The following CSMD3 variants were observed in gnomAD, a reference collection of about 807,000 sequenced individuals.
CSMD3 encodes the protein CUB and sushi domain-containing protein 3.
Under a neutral mutation model 435.2 loss-of-function variants are expected in CSMD3, and 177 were observed. That is an observed-to-expected ratio of 0.41 (90% CI 0.36 to 0.46). The LOEUF is 0.46. Ranked by LOEUF, CSMD3 falls within the 20% of genes least tolerant of loss-of-function variation. The pLI is 0.34. For missense variants in CSMD3, 4,265 were observed against 4,504.6 expected, an observed-to-expected ratio of 0.95 and a Z score of 1.52; for synonymous variants, 1,656 against 1,520.5, an observed-to-expected ratio of 1.09 and a Z score of -2.07.
chr8:112,656,882 A>G (rs2075270286), intron 17 of CSMD3, among the ~76,000 whole-genome samples: 2 of 152,078 alleles, frequency 1.3e-5, no homozygotes, highest in Admixed American at 6.6e-5. Context: ...AACAGTTCTA[A>G]GTAGGTAGTA....
chr8:112,287,102 G>A lies in CSMD3; in HGVS notation c.9293C>T (p.Ala3098Val), dbSNP rs768481824. The A allele has an allele frequency of 6.2e-7, 1 of 1,613,642 alleles. No individual in the cohort carries two copies. The highest frequency in any genetic ancestry group is 1.1e-5 in the South Asian group (1 of 91,078). Residue 3098 changes from alanine (A) to valine (V), a missense_variant, in exon 58 of 71, where the codon GCT becomes GTT. Physicochemically the swap from Ala to Val is moderately conservative, Grantham distance 64. Transcript: ENST00000297405. ...CTGCCTTCCGGTCCAACTGCCATTA[G>A]CTAAACATGTTCTTTCTTCTGAGCC... ...LHGSEERTCL[A>V]NGSWTGRQPE...
At chr8:112,962,827 C>T (rs1218785074) in intron 7 of CSMD3, among the ~76,000 whole-genome samples, 3 of 151,932 alleles carry the variant, frequency 2.0e-5, no homozygotes, top group Non-Finnish European at 4.4e-5. Context: ...TCCTTGTTCT[C>T]TGCCCAGAAA....
At chr8:112,403,565 C>A (rs1200423637) in intron 35 of CSMD3, among the ~76,000 whole-genome samples, 2 of 151,972 alleles carry the variant, frequency 1.3e-5, no homozygotes, top group Admixed American at 1.3e-4. Flanking sequence ...TGAGGGCTTG[C>A]TCGGTGCTTC....
intron 9 of CSMD3, among the ~76,000 whole-genome samples, chr8:112,926,857 G>A (rs1587689151): frequency 6.6e-6 from 1 of 152,092 alleles, no homozygotes; most frequent in Admixed American, 6.6e-5. Context: ...CACTTTTGTT[G>A]TTATTATTTT....
At chr8:112,803,763 C>T (rs2079014736) in intron 12 of CSMD3, among the ~76,000 whole-genome samples, 1 of 152,178 alleles carries the variant, frequency 6.6e-6, no homozygotes. Flanking sequence ...GACCTCCTTG[C>T]CAGCTGATAT....
intron 1 of CSMD3, among the ~76,000 whole-genome samples, chr8:113,381,589 T>C (rs1318085321): frequency 2.0e-5 from 3 of 151,972 alleles, no homozygotes; most frequent in Non-Finnish European, 4.4e-5. Context: ...AAGCAAACAT[T>C]CAAAACACTT....
intron 12 of CSMD3, among the ~76,000 whole-genome samples, chr8:112,809,944 A>G (rs1423440381): frequency 6.6e-6 from 1 of 152,142 alleles, no homozygotes; most frequent in Non-Finnish European, 1.5e-5. Context: ...GGAGGATAGG[A>G]GCTTAACTTC....
intron 24 of CSMD3, among the ~76,000 whole-genome samples, chr8:112,557,455 A>G (rs1586677832): frequency 6.6e-6 from 1 of 152,086 alleles, no homozygotes; most frequent in East Asian, 1.9e-4. Context: ...AGAGAAACCA[A>G]CCATATGATT....
chr8:112,819,184 T>C (rs2079460626), intron 12 of CSMD3, among the ~76,000 whole-genome samples: 1 of 152,044 alleles, frequency 6.6e-6, no homozygotes, highest in Admixed American at 6.6e-5. Flanking sequence ...CGTTTGAACA[T>C]GCAGGCTGGG....
intron 52 of CSMD3, among the ~76,000 whole-genome samples, chr8:112,303,921 C>T (rs971720071): frequency 5.3e-5 from 8 of 151,952 alleles, no homozygotes; most frequent in East Asian, 1.9e-4. Context: ...TTGTGTTGGA[C>T]GCTAATTAAA....
chr8:113,269,998 A>G (rs1477032837), intron 3 of CSMD3, among the ~76,000 whole-genome samples: 2 of 151,488 alleles, frequency 1.3e-5, no homozygotes, highest in Admixed American at 6.6e-5. Context: ...CTGCACAGCA[A>G]AAGAAACTAC....
intron 1 of CSMD3, among the ~76,000 whole-genome samples, chr8:113,355,749 T>TATACACAC (rs1357514892): frequency 4.9e-5 from 4 of 81,320 alleles, no homozygotes; most frequent in African/African-American, 2.2e-4. Flanking sequence ...TATATATATA[T>TATACACAC]ACACACACAC....
At position 112,390,750 on chromosome 8, in the gene CSMD3, T is replaced by C. The variant is rs1830342159; in HGVS notation, c.5848A>G (p.Ile1950Val). 3.1e-6 allele frequency: 5 copies of C among 1,613,144 alleles called. No homozygotes were observed. Among genetic ancestry groups the C allele is most frequent in the Admixed American group, 1.7e-5 (1 of 59,988 alleles). ...GGILTKRKGTILSPGYPEPYD... is the reference protein window; with the variant it reads ...GGILTKRKGTVLSPGYPEPYD... ...GGCTCAGGGTATCCAGGTGACAAAA[T>C]AGTCCCTTTGCGCTTAGTTAAAATT... is the stretch of plus-strand genomic sequence containing the variant. Residue 1950 changes from isoleucine (I) to valine (V), a missense_variant, in exon 36 of 71, where the codon ATT (isoleucine) becomes GTT (valine). Ile to Val is a conservative substitution (Grantham distance 29, BLOSUM62 3). This residue lies in a region of CSMD3 where 3,255 missense variants were observed against 3,380.2 expected (regional missense o/e 0.96). Transcript: ENST00000297405.
intron 2 of CSMD3, among the ~76,000 whole-genome samples, chr8:113,293,915 A>G (rs2093702444): frequency 6.6e-6 from 1 of 152,154 alleles, no homozygotes; most frequent in Non-Finnish European, 1.5e-5. Flanking sequence ...TACCTTACTG[A>G]TGATAAAATC....
intron 32 of CSMD3, among the ~76,000 whole-genome samples, chr8:112,428,834 A>G (rs1813357758): frequency 6.6e-6 from 1 of 152,116 alleles, no homozygotes; most frequent in Non-Finnish European, 1.5e-5. Context: ...CTTGAACTTA[A>G]TGGGCATTAA....
chr8:112,305,311 G>A (rs1445626684), intron 51 of CSMD3, among the ~76,000 whole-genome samples: 2 of 152,090 alleles, frequency 1.3e-5, no homozygotes, highest in African/African-American at 4.8e-5. Flanking sequence ...TTCAAGGTAA[G>A]TAGAAGCCTT....
Position 112,920,365 on chromosome 8 carries a change from ACAGT to A in CSMD3, c.1633+1258_1633+1261del, listed in dbSNP as rs1353213578. Among the ~76,000 whole-genome samples, 9 of 151,946 alleles carry A rather than the reference ACAGT, an allele frequency of 5.9e-5. No homozygotes were observed. The Admixed American group carries it at 5.9e-4, about 10-fold the overall frequency. ...AGCAAGTGGAATAGATGGCAAAGAA[ACAGT>A]CAGAAGGTGAAGAAGGAGTATAATA... On this transcript the variant is annotated intron_variant, in intron 10 of 70. Transcript: ENST00000297405.
chr8:113,145,016 G>A (rs890509575), intron 4 of CSMD3, among the ~76,000 whole-genome samples: 3 of 151,506 alleles, frequency 2.0e-5, no homozygotes, highest in Non-Finnish European at 4.4e-5. Context: ...TGAGGGGCAA[G>A]GGTGAGTGAT....
intron 24 of CSMD3, among the ~76,000 whole-genome samples, chr8:112,572,262 C>T (rs963247629): frequency 6.6e-6 from 1 of 151,982 alleles, no homozygotes; most frequent in Non-Finnish European, 1.5e-5. Context: ...ATTGTACACA[C>T]AGTTCTGAGA....
Sources: gnomAD v4.1 joint callset for allele counts (sites outside exome capture counted in the v4.1 genomes callset) on GRCh38, gnomAD v4.1.1 for gene constraint, gnomAD v4.1.1 regional missense constraint, MANE v1.5 for transcripts, NCBI Gene and HGNC (gene_info 2026-07-23, HGNC 2026-07-21) for gene names.